Variants in IPMK observed in about 807,000 individuals in gnomAD.
IPMK encodes inositol polyphosphate multikinase, also known as inositol 1,3,4,6-tetrakisphosphate 5-kinase.
IPMK carries 17 observed loss-of-function variants against 45.8 expected under a neutral mutation model. That is an observed-to-expected ratio of 0.37 (90% CI 0.25 to 0.56). The LOEUF is 0.56. Among genes scored for constraint, IPMK ranks in the 20% least tolerant of loss-of-function variants. The pLI, the probability that IPMK is intolerant of heterozygous loss-of-function variation, is 0.79. For synonymous variants in IPMK, 180 were observed against 184.3 expected (o/e 0.98, Z 0.19); for missense variants, 399 against 498.0 (o/e 0.80, Z 1.89).
chr10:58,233,836 A>G (rs922783384), intron 2 of IPMK, among the ~76,000 whole-genome samples: 20 of 152,210 alleles, frequency 1.3e-4, no homozygotes, highest in African/African-American at 4.6e-4. Context: ...GGCAGGAGAA[A>G]GAAGTGAAAG....
At chr10:58,231,908 T>C (rs1265469060) in intron 2 of IPMK, among the ~76,000 whole-genome samples, 6 of 152,158 alleles carry the variant, frequency 3.9e-5, no homozygotes, top group Admixed American at 3.3e-4. Context: ...TCAAGACCCA[T>C]TGGTGTACCG....
chr10:58,267,640 G>T lies in IPMK; in HGVS notation c.-29C>A, dbSNP rs780174755. On this transcript the variant is annotated 5_prime_UTR_variant, in exon 1 of 6. Transcript: ENST00000373935. ...GGAGAGCAGAAGCGGTAACGGCAGC[G>T]AGAGTAGGAAAAAAAATAGGGCGAG... The T allele has an allele frequency of 6.4e-5, 97 of 1,517,490 alleles. No individual in the cohort carries two copies. The highest frequency in any genetic ancestry group is 7.8e-5 in the Non-Finnish European group (87 of 1,114,858). 94.0% of individuals were successfully genotyped at this position (1,517,490 alleles called of 1,614,324 possible).
intron 2 of IPMK, among the ~76,000 whole-genome samples, chr10:58,231,978 G>C (rs1044815757): frequency 2.0e-5 from 3 of 152,102 alleles, no homozygotes; most frequent in African/African-American, 7.2e-5. Context: ...AAGGGATGGA[G>C]GAGGATCTAC....
At chr10:58,222,527 C>A (rs1016566624) in intron 3 of IPMK, among the ~76,000 whole-genome samples, 4 of 152,176 alleles carry the variant, frequency 2.6e-5, no homozygotes, top group African/African-American at 9.7e-5. Context: ...GACAGAGAGT[C>A]TGTAAAGCTT....
At chr10:58,209,886 G>A (rs1029923498) in intron 4 of IPMK, among the ~76,000 whole-genome samples, 4 of 152,202 alleles carry the variant, frequency 2.6e-5, no homozygotes, top group Non-Finnish European at 4.4e-5. Flanking sequence ...CAGCCAGGAG[G>A]TAGTGCTTAC....
intron 4 of IPMK, chr10:58,212,851 C>T (rs1369745204): frequency 5.2e-5 from 12 of 230,476 alleles, no homozygotes; most frequent in Non-Finnish European, 9.6e-5. Context: ...GGTTTTGGTA[C>T]CTTTGCCCTC....
chr10:58,230,592 T>C (rs575854122), intron 2 of IPMK, among the ~76,000 whole-genome samples: 6 of 152,226 alleles, frequency 3.9e-5, no homozygotes, highest in African/African-American at 1.2e-4. Context: ...ACCTGACTGT[T>C]AGAAGGAAAA....
At chr10:58,217,058 A>C (rs1311158604) in intron 3 of IPMK, among the ~76,000 whole-genome samples, 1 of 151,568 alleles carries the variant, frequency 6.6e-6, no homozygotes, top group Non-Finnish European at 1.5e-5. Flanking sequence ...CATGTTGGCC[A>C]GCCTGGTCTC....
intron 1 of IPMK, among the ~76,000 whole-genome samples, chr10:58,252,100 G>C (rs1838888907): frequency 6.6e-6 from 1 of 151,954 alleles, no homozygotes; most frequent in Non-Finnish European, 1.5e-5. Flanking sequence ...TTTTTTTCTA[G>C]CAGTATGTTT....
intron 1 of IPMK, among the ~76,000 whole-genome samples, chr10:58,245,032 G>T (rs903926559): frequency 7.5e-6 from 1 of 133,456 alleles, no homozygotes; most frequent in Non-Finnish European, 1.6e-5. Flanking sequence ...ACCCAAGAAT[G>T]ATCAATAAAT....
In IPMK at chr10:58,196,233, A is replaced by G; in HGVS notation, c.1094T>C (p.Val365Ala). 1 of 1,614,058 alleles carries G rather than the reference A, an allele frequency of 6.2e-7. No individual in the cohort carries two copies. Among genetic ancestry groups the G allele is most frequent in the Non-Finnish European group, 8.5e-7 (1 of 1,179,946 alleles). ...GCAACCAGTGGGAAGATGGTAGAAA[A>G]CTTTTTCCAGTTGGGAAAGTACATT... ...NGNVLSQLEKVFYHLPTGCQE... is the reference protein window; with the variant it reads ...NGNVLSQLEKAFYHLPTGCQE... The change falls in exon 6 of 6, where the codon GTT becomes GCT. Residue 365 changes from valine to alanine, a missense_variant. Val to Ala is a moderately conservative substitution (Grantham distance 64, BLOSUM62 0). Around this residue, in one of 2 missense-constraint regions of IPMK, gnomAD observed 288 missense variants for 398.0 expected, o/e 0.72. Coordinates refer to ENST00000373935, the MANE Select transcript of IPMK (RefSeq NM_152230.5).
intron 4 of IPMK, chr10:58,213,129 A>G (rs1178556156): frequency 2.0e-5 from 3 of 152,544 alleles, no homozygotes; most frequent in African/African-American, 7.2e-5. Flanking sequence ...GTGCTCCAGG[A>G]AAGGGGAACC....
At chr10:58,221,788 G>A (rs560341187) in intron 3 of IPMK, among the ~76,000 whole-genome samples, 12 of 150,970 alleles carry the variant, frequency 7.9e-5, no homozygotes, top group East Asian at 3.9e-4. Context: ...TCTCTCTGTC[G>A]CCCAGGCTGG....
chr10:58,198,743 A>G (rs1296337858), intron 5 of IPMK, among the ~76,000 whole-genome samples: 1 of 152,170 alleles, frequency 6.6e-6, no homozygotes. Context: ...ATGTATGTTA[A>G]CAGATTTTAT....
intron 4 of IPMK, among the ~76,000 whole-genome samples, chr10:58,214,381 A>G (rs1375293639): frequency 6.6e-6 from 1 of 152,236 alleles, no homozygotes; most frequent in Non-Finnish European, 1.5e-5. Flanking sequence ...AGCAGAAAGC[A>G]GTCATCTGCT....
chr10:58,230,524 C>T (rs542785176), intron 2 of IPMK, among the ~76,000 whole-genome samples: 1 of 152,262 alleles, frequency 6.6e-6, no homozygotes, highest in African/African-American at 2.4e-5. Flanking sequence ...CTGGTGATAA[C>T]CAGGCAAACG....
At chr10:58,212,944 A>G in intron 4 of IPMK, 1 of 211,080 alleles carries the variant, frequency 4.7e-6, no homozygotes, top group African/African-American at 2.3e-5. Flanking sequence ...CCCCTCCACC[A>G]CCAGGCACAG....
intron 2 of IPMK, among the ~76,000 whole-genome samples, chr10:58,235,993 A>G (rs978120216): frequency 2.0e-5 from 3 of 151,720 alleles, no homozygotes; most frequent in Non-Finnish European, 4.4e-5. Flanking sequence ...CAGTGGTGCA[A>G]TCTTGACTTA....
intron 2 of IPMK, among the ~76,000 whole-genome samples, chr10:58,229,743 G>A (rs1343642254): frequency 3.9e-5 from 6 of 152,162 alleles, no homozygotes; most frequent in Admixed American, 1.3e-4. Context: ...CAAGATGGTC[G>A]AATAGGAACA....
Sources: gnomAD v4.1 joint callset for allele counts (sites outside exome capture counted in the v4.1 genomes callset) on GRCh38, gnomAD v4.1.1 for gene constraint, gnomAD v4.1.1 regional missense constraint, MANE v1.5 for transcripts, NCBI Gene and HGNC (gene_info 2026-07-23, HGNC 2026-07-21) for gene names.